Variants in HSPA12A observed in about 807,000 individuals in gnomAD.
HSPA12A encodes the protein heat shock protein family A (Hsp70) member 12A, also known as heat shock 70 kDa protein 12A.
In HSPA12A, 28 loss-of-function variants were observed where a neutral mutation model predicts 69.2. That is an observed-to-expected ratio of 0.40 (90% confidence interval 0.30 to 0.55). The LOEUF is 0.55. Among genes scored for constraint, HSPA12A ranks in the 20% least tolerant of loss-of-function variants. HSPA12A has a pLI of 0.38. For synonymous variants in HSPA12A, 345 were observed against 370.5 expected (o/e 0.93, Z 0.79); for missense variants, 686 against 900.7 (o/e 0.76, Z 3.05).
chr10:116,804,930 C>G (rs768061267), intron 2 of HSPA12A, among the ~76,000 whole-genome samples: 19 of 152,176 alleles, frequency 1.2e-4, no homozygotes, highest in Non-Finnish European at 2.5e-4. Context: ...GATAGGCGAG[C>G]CTTGCACGTC....
chr10:116,800,852 C>T (rs1268431623), intron 2 of HSPA12A, among the ~76,000 whole-genome samples: 1 of 152,176 alleles, frequency 6.6e-6, no homozygotes, highest in Non-Finnish European at 1.5e-5. Context: ...AAAGTTGCAG[C>T]CTTGAAGCCT....
intron 2 of HSPA12A, among the ~76,000 whole-genome samples, chr10:116,819,731 C>T (rs999783610): frequency 3.9e-5 from 6 of 152,234 alleles, no homozygotes; most frequent in South Asian, 2.1e-4. Context: ...ATGATGGCAA[C>T]GTGGGAAAAT....
intron 2 of HSPA12A, among the ~76,000 whole-genome samples, chr10:116,786,003 C>T (rs1375339267): frequency 1.3e-5 from 2 of 152,196 alleles, no homozygotes; most frequent in Non-Finnish European, 2.9e-5. Context: ...CTCCTGCACC[C>T]GTCATGAGGC....
At chr10:116,786,383 G>A (rs1310254276) in intron 2 of HSPA12A, among the ~76,000 whole-genome samples, 1 of 151,992 alleles carries the variant, frequency 6.6e-6, no homozygotes, top group East Asian at 1.9e-4. Flanking sequence ...AGCAGCTCCA[G>A]GGCCTATGGC....
rs567831748 is a variant in HSPA12A, at chr10:116,684,805, T to C, written c.664-843A>G. ...TGCAAACATTTGGGGCCTTGGCCTG[T>C]AGTAGGCAGAAGTGCTTCTGCTCTG... On this transcript the variant is annotated intron_variant, in intron 6 of 11. Transcript: ENST00000369209. Among the ~76,000 whole-genome samples, 7 of 152,338 alleles carry C rather than the reference T, an allele frequency of 4.6e-5. No homozygotes were observed. The East Asian group carries it at 1.2e-3, about 25-fold the overall frequency.
In HSPA12A at chr10:116,723,237, C is replaced by G. The variant is rs555313519; in HGVS notation, c.41-15952G>C. ...CCCCATCATTCCTGTCCTCATACAA[C>G]CCCCTGCACAGCTGGGCTGTGTCCT... On this transcript the variant is annotated intron_variant, in intron 1 of 11. Coordinates refer to ENST00000369209, the MANE Select transcript of HSPA12A (RefSeq NM_025015.3). This position sits in a 1 kb window ranked among gnomAD's most constrained non-coding sequence, Gnocchi z 4.1. 6.6e-6 allele frequency among the ~76,000 whole-genome samples: 1 copy of G among 152,034 alleles called. No individual in the cohort carries two copies. The highest frequency in any genetic ancestry group is 1.5e-5 in the Non-Finnish European group (1 of 67,954).
Position 116,774,122 on chromosome 10 carries a change from G to T in HSPA12A, c.91+60813C>A, listed in dbSNP as rs1032980181. Among the ~76,000 whole-genome samples the T allele has an allele frequency of 3.3e-5, 5 of 151,270 alleles. No individual in the cohort carries two copies. In the East Asian group the frequency reaches 7.8e-4, roughly 24 times the overall value. The stretch of plus-strand genomic sequence containing the variant: ...CCTCCCGGGTTCACGCCATTCTCCT[G>T]CCTCAGCCTCCCAAGTAGCTGGGAC... On this transcript the variant is annotated intron_variant, in intron 2 of 12. Coordinates refer to the HSPA12A transcript ENST00000635765.
chr10:116,790,427 G>A (rs894431135), intron 2 of HSPA12A, among the ~76,000 whole-genome samples: 6 of 151,624 alleles, frequency 4.0e-5, no homozygotes, highest in South Asian at 2.1e-4. Context: ...CTAACCTCAC[G>A]TCTCCCTCCT....
At chr10:116,744,027 G>A (rs4752009), upstream of HSPA12A, among the ~76,000 whole-genome samples, 78,665 of 152,038 alleles carry the variant, frequency 0.52, 21,260 homozygotes, top group South Asian at 0.69. Flanking sequence ...GATGGCCCCC[G>A]AGGGCCCTTC....
At chr10:116,811,803 A>G (rs546309052) in intron 2 of HSPA12A, among the ~76,000 whole-genome samples, 1 of 152,196 alleles carries the variant, frequency 6.6e-6, no homozygotes, top group Non-Finnish European at 1.5e-5. Context: ...AATAACCCCT[A>G]CCCGGTAGGT....
At chr10:116,770,418 G>A (rs1214626697) in intron 2 of HSPA12A, among the ~76,000 whole-genome samples, 9 of 152,204 alleles carry the variant, frequency 5.9e-5, no homozygotes, top group African/African-American at 1.4e-4. Flanking sequence ...GAGGCTCAGC[G>A]GACACCCAGC....
upstream of HSPA12A, chr10:116,849,852 G>A (rs1277333319): frequency 8.6e-7 from 1 of 1,156,640 alleles, no homozygotes; most frequent in African/African-American, 1.5e-5. Context: ...CCCGGGCCCT[G>A]GGCCTGCGTG....
intron 2 of HSPA12A, among the ~76,000 whole-genome samples, chr10:116,706,588 C>T (rs1379166692): frequency 6.6e-6 from 1 of 152,198 alleles, no homozygotes; most frequent in Non-Finnish European, 1.5e-5. Context: ...CTTCCGGGCA[C>T]TCACTCAGGT....
In HSPA12A at chr10:116,700,222, A is replaced by G. The variant is rs150909624; in HGVS notation, c.441+721T>C. Among the ~76,000 whole-genome samples, 226 of 152,354 alleles carry G rather than the reference A, an allele frequency of 1.5e-3. 1 individual carries two copies. Among genetic ancestry groups the G allele is most frequent in the African/African-American group, 5.4e-3 (224 of 41,582 alleles). On this transcript the variant is annotated intron_variant, in intron 4 of 11. Transcript: ENST00000369209. Reference sequence around the variant, plus strand: ...GGCCCCAGAGTCCGTGTTCTTAAACATCATCATCATCCTGCCTTTCTAAGC... The same window carrying G: ...GGCCCCAGAGTCCGTGTTCTTAAACGTCATCATCATCCTGCCTTTCTAAGC...
At chr10:116,733,264 T>G (rs1851216763) in intron 1 of HSPA12A, among the ~76,000 whole-genome samples, 1 of 152,074 alleles carries the variant, frequency 6.6e-6, no homozygotes, top group Non-Finnish European at 1.5e-5. Flanking sequence ...AGGAAGTAAG[T>G]GGCCAGAGGA....
At chr10:116,756,973 G>T (rs1424593394) in intron 2 of HSPA12A, among the ~76,000 whole-genome samples, 3 of 152,162 alleles carry the variant, frequency 2.0e-5, no homozygotes, top group Admixed American at 6.5e-5. Context: ...ACTCATTGTG[G>T]ATTATGTTTA....
At chr10:116,757,368 T>C (rs10736259) in intron 2 of HSPA12A, among the ~76,000 whole-genome samples, 107,620 of 152,084 alleles carry the variant, frequency 0.71, 41,143 homozygotes, top group South Asian at 0.86. Flanking sequence ...ACAGGGCTGA[T>C]GATCAAAATC....
chr10:116,774,256 G>T (rs868956691), intron 2 of HSPA12A, among the ~76,000 whole-genome samples: 1 of 152,058 alleles, frequency 6.6e-6, no homozygotes, highest in Non-Finnish European at 1.5e-5. Context: ...TGATCCGCCC[G>T]CCTCGGCCTC....
chr10:116,782,680 C>T (rs2092258888), intron 2 of HSPA12A, among the ~76,000 whole-genome samples: 1 of 152,182 alleles, frequency 6.6e-6, no homozygotes, highest in Non-Finnish European at 1.5e-5. Context: ...GGCTCATAGA[C>T]ATGCTATCAA....
Sources: gnomAD v4.1 joint callset for allele counts (sites outside exome capture counted in the v4.1 genomes callset) on GRCh38, gnomAD v4.1.1 for gene constraint, Gnocchi (gnomAD v3.1) non-coding constraint, MANE v1.5 for transcripts, NCBI Gene and HGNC (gene_info 2026-07-23, HGNC 2026-07-21) for gene names.